The following VLDLR variants were observed in gnomAD, a reference collection of about 807,000 sequenced individuals.
The protein encoded by VLDLR is very low density lipoprotein receptor.
VLDLR carries 81 observed loss-of-function variants against 112.7 expected under a neutral mutation model. The ratio of observed to expected loss-of-function variants is 0.72; its 90% CI spans 0.60 to 0.86. VLDLR has a LOEUF of 0.86. VLDLR is among the 40% of genes least tolerant of loss of function. The pLI, the probability that VLDLR is intolerant of heterozygous loss-of-function variation, is 0.00. For missense variants in VLDLR, 1,237 were observed against 1,099.4 expected (o/e 1.13, Z -1.77); for synonymous variants, 436 against 384.8 (o/e 1.13, Z -1.56).
chr9:2,643,634 G>T lies in VLDLR; in HGVS notation c.827G>T (p.Arg276Leu). Residue 276 changes from arginine (R) to leucine (L), a missense_variant, in exon 6 of 19, where the codon CGA becomes CTA. Arg to Leu is a moderately radical substitution (Grantham distance 102). Transcript: ENST00000382100. The stretch of plus-strand genomic sequence containing the variant: ...GTGTTTCCTCCCTTTGTAGCCTCTC[G>T]AACTTGCCGACCTGACCAATTTGAA... Reference protein sequence around the residue: ...DGSDEVNCPSRTCRPDQFECE... With the variant: ...DGSDEVNCPSLTCRPDQFECE... The T allele has an allele frequency of 6.2e-7, 1 of 1,614,168 alleles. No homozygotes were observed. The highest frequency in any genetic ancestry group is 1.1e-5 in the South Asian group (1 of 91,080).
chr9:2,643,785 T>C, intron 6 of VLDLR, 35 bp downstream of exon 6: 1 of 1,614,230 alleles, frequency 6.2e-7, no homozygotes, highest in South Asian at 1.1e-5. Context: ...AGCAATGGAT[T>C]GCTCTGACCA....
In VLDLR at chr9:2,653,849, C is replaced by T. The variant is rs1818471119; in HGVS notation, c.2603C>T (p.Thr868Ile). The change falls in exon 19 of 19, where the codon ACA (threonine) becomes ATA (isoleucine). Residue 868 changes from threonine to isoleucine, a missense_variant. Physicochemically the swap from Thr to Ile is moderately conservative, Grantham distance 89. Transcript: ENST00000382100. Reference sequence around the variant, plus strand: ...TTTCCACAGATATCAGTTGTAAGCACAGATGATGATCTAGCTTGACTTCTG... The same window carrying T: ...TTTCCACAGATATCAGTTGTAAGCATAGATGATGATCTAGCTTGACTTCTG... Reference protein sequence around the residue: ...HTYPAISVVSTDDDLA With the variant: ...HTYPAISVVSIDDDLA 6.2e-7 allele frequency: 1 copy of T among 1,613,802 alleles called. No individual in the cohort carries two copies. The highest frequency in any genetic ancestry group is 1.3e-5 in the African/African-American group (1 of 74,896).
intron 2 of VLDLR, among the ~76,000 whole-genome samples, chr9:2,638,540 A>T (rs1418596864): frequency 6.6e-6 from 1 of 151,796 alleles, no homozygotes; most frequent in Non-Finnish European, 1.5e-5. Flanking sequence ...ATATAATCTA[A>T]GAAAGATAAG....
At chr9:2,649,062 T>C (rs755112690) in intron 14 of VLDLR, among the ~76,000 whole-genome samples, 1 of 152,246 alleles carries the variant, frequency 6.6e-6, no homozygotes, top group Non-Finnish European at 1.5e-5. Flanking sequence ...GTTTCATTCA[T>C]GTCCCCTTGG....
At chr9:2,648,563 C>A in intron 13 of VLDLR, 106 bp from the exon 14 acceptor site, 2 of 1,574,096 alleles carry the variant, frequency 1.3e-6, no homozygotes, top group Non-Finnish European at 1.7e-6. Flanking sequence ...CCCAGTTCAG[C>A]ATTCAGTAAA....
At chr9:2,638,748 T>C (rs1817704538) in intron 2 of VLDLR, among the ~76,000 whole-genome samples, 1 of 152,230 alleles carries the variant, frequency 6.6e-6, no homozygotes, top group Non-Finnish European at 1.5e-5. Context: ...ACCCTAAGTA[T>C]AGGGGAAAGA....
At chr9:2,624,072 TTTACC>T (rs1305716283) in intron 1 of VLDLR, among the ~76,000 whole-genome samples, 11 of 152,182 alleles carry the variant, frequency 7.2e-5, no homozygotes, top group African/African-American at 2.7e-4. Context: ...AGAGGTTAAC[TTTACC>T]TTATAGAATG....
Position 2,651,474 on chromosome 9 carries a change from G to T in VLDLR, c.2311G>T (p.Ala771Ser), listed in dbSNP as rs1818331690. 2 of 1,613,896 alleles carry T rather than the reference G, an allele frequency of 1.2e-6. No individual in the cohort carries two copies. The highest frequency in any genetic ancestry group is 1.7e-5 in the Admixed American group (1 of 60,012). Residue 771 changes from alanine (A) to serine (S), a missense_variant, in exon 16 of 19, where the codon GCA becomes TCA. Ala to Ser is a moderately conservative substitution (Grantham distance 99). Transcript: ENST00000382100. ...TKDTNTTEIS[A>S]TSGLVPGGIN... ...AGATACGAACACAACAGAAATTTCA[G>T]CAACTAGTGGACTAGTTCCTGGAGG...
intron 1 of VLDLR, among the ~76,000 whole-genome samples, chr9:2,631,513 G>T (rs1817348664): frequency 6.6e-6 from 1 of 152,126 alleles, no homozygotes; most frequent in African/African-American, 2.4e-5. Flanking sequence ...ATTTGCAGCA[G>T]CATGGGGATG....
intron 4 of VLDLR, 36 bp downstream of exon 4, chr9:2,641,535 A>G: frequency 6.2e-7 from 1 of 1,613,252 alleles, no homozygotes; most frequent in Non-Finnish European, 8.5e-7. Context: ...TAACCCAAAG[A>G]CCCTTTTCCT....
At position 2,644,198 on chromosome 9, in the gene VLDLR, GC is replaced by G. The variant is rs1376309397; in HGVS notation, c.1066+242del. ...TTTGAGATGGAGTTCCACTCTTGTT[GC>G]CCAGGCTGGAGTGCAATGATGCAAT... On this transcript the variant is annotated intron_variant, in intron 7 of 18. Transcript: ENST00000382100. Among the ~76,000 whole-genome samples, 4 of 106,084 alleles carry G rather than the reference GC, an allele frequency of 3.8e-5. No homozygotes were observed. The Admixed American group carries it at 5.6e-4, about 15-fold the overall frequency. The allele number at this position is 106,084 out of a possible 152,430, so 69.6% of individuals were successfully genotyped here.
intron 16 of VLDLR, 105 bp from the exon 17 acceptor site, chr9:2,651,769 T>G: frequency 8.0e-7 from 1 of 1,257,014 alleles, no homozygotes; most frequent in Non-Finnish European, 1.2e-6. Context: ...TTGTAGATAC[T>G]GAACATCAAT....
Position 2,656,058 on chromosome 9 carries a change from G to C in VLDLR, c.*2190G>C, listed in dbSNP as rs1391082637. 1 of 150,924 alleles carries C rather than the reference G, an allele frequency of 6.6e-6. No individual in the cohort carries two copies. The highest frequency in any genetic ancestry group is 2.5e-5 in the African/African-American group (1 of 40,518). 9.3% of individuals were successfully genotyped at this position (150,924 alleles called of 1,614,324 possible). Reference sequence around the variant, plus strand: ...ATTATACAGTATTAATTAATTATAAGGCCCAAAGTTTGTTTTGGCAAATAA... The same window carrying C: ...ATTATACAGTATTAATTAATTATAACGCCCAAAGTTTGTTTTGGCAAATAA... On this transcript the variant is annotated 3_prime_UTR_variant, in exon 19 of 19. Coordinates refer to ENST00000382100, the MANE Select transcript of VLDLR (RefSeq NM_003383.5).
intron 3 of VLDLR, 55 bp from the exon 4 acceptor site, chr9:2,641,322 G>A: frequency 6.2e-7 from 1 of 1,612,350 alleles, no homozygotes; most frequent in Admixed American, 1.7e-5. Context: ...CACAGGAGCA[G>A]CAGCTTTGCA....
chr9:2,646,260 G>C, intron 10 of VLDLR, 74 bp from the exon 11 acceptor site: 1 of 1,461,058 alleles, frequency 6.8e-7, no homozygotes, highest in East Asian at 2.3e-5. Context: ...TGACCATTTT[G>C]TAAGCAAAAA....
At position 2,643,751 on chromosome 9, in the gene VLDLR, G is replaced by C. The variant is rs768530059; in HGVS notation, c.943+1G>C. 1.9e-6 allele frequency: 3 copies of C among 1,614,210 alleles called. No individual in the cohort carries two copies. Among genetic ancestry groups the C allele is most frequent in the South Asian group, 2.2e-5 (2 of 91,088 alleles). On this transcript the variant is annotated splice_donor_variant, in intron 6 of 18. Coordinates refer to ENST00000382100, the MANE Select transcript of VLDLR (RefSeq NM_003383.5). LOFTEE classifies it high-confidence loss of function. Reference sequence around the variant, plus strand: ...TCCGATGAAGTCAACTGCAAAAATGGTAAGGGTTTCTTCTTGTTGGTTAAG... The same window carrying C: ...TCCGATGAAGTCAACTGCAAAAATGCTAAGGGTTTCTTCTTGTTGGTTAAG...
chr9:2,645,483 T>C, intron 9 of VLDLR, 91 bp from the exon 10 acceptor site: 1 of 1,492,920 alleles, frequency 6.7e-7, no homozygotes, highest in Non-Finnish European at 9.3e-7. Flanking sequence ...ATACCTTTAT[T>C]TTCTAAGTGC....
chr9:2,641,564 G>T (rs1189041687), intron 4 of VLDLR, 65 bp downstream of exon 4: 11 of 1,610,248 alleles, frequency 6.8e-6, no homozygotes, highest in Non-Finnish European at 9.3e-6. Flanking sequence ...GGTGGGCAGG[G>T]GAAACTAATC....
At chr9:2,651,349 C>T in intron 15 of VLDLR, 66 bp from the exon 16 acceptor site, 2 of 1,416,232 alleles carry the variant, frequency 1.4e-6, no homozygotes, top group Non-Finnish European at 2.0e-6. Flanking sequence ...CATGGCTTGT[C>T]TGGACAAAAC....
Sources: allele counts gnomAD v4.1 joint callset (sites outside exome capture counted in the v4.1 genomes callset), GRCh38; gene constraint gnomAD v4.1.1; transcripts MANE v1.5; gene names NCBI Gene and HGNC (gene_info 2026-07-23, HGNC 2026-07-21).